SNTG1: variants seen among roughly 807,000 people sequenced by gnomAD.
The protein encoded by SNTG1 is syntrophin gamma 1.
SNTG1 carries 39 observed loss-of-function variants against 74.7 expected under a neutral mutation model. The observed-to-expected ratio is 0.52, with a 90% confidence interval of 0.40 to 0.68. SNTG1 has a LOEUF of 0.68. SNTG1 is among the 30% of genes least tolerant of loss of function. SNTG1 has a pLI of 0.00. For missense variants in SNTG1, 685 were observed against 609.5 expected (o/e 1.12, Z -1.30); for synonymous variants, 254 against 217.1 (o/e 1.17, Z -1.49).
At chr8:50,317,993 C>G (rs576455464) in intron 2 of SNTG1, among the ~76,000 whole-genome samples, 83 of 152,250 alleles carry the variant, frequency 5.5e-4, no homozygotes, top group Middle Eastern at 3.4e-3. Flanking sequence ...CTCGCCACCA[C>G]GCCCGGCTAA....
chr8:50,478,271 T>C (rs1162392761), intron 8 of SNTG1, among the ~76,000 whole-genome samples: 1 of 152,208 alleles, frequency 6.6e-6, no homozygotes, highest in Non-Finnish European at 1.5e-5. Flanking sequence ...AAAATATTCC[T>C]TTAAAAATTA....
At chr8:50,232,898 C>T (rs1268465333) in intron 2 of SNTG1, among the ~76,000 whole-genome samples, 2 of 151,396 alleles carry the variant, frequency 1.3e-5, no homozygotes, top group Non-Finnish European at 3.0e-5. Flanking sequence ...AACCCGAAAA[C>T]TCAATGATTC....
At chr8:50,419,534 A>C (rs944449238) in intron 4 of SNTG1, among the ~76,000 whole-genome samples, 1 of 152,278 alleles carries the variant, frequency 6.6e-6, no homozygotes, top group South Asian at 2.1e-4. Context: ...CCAGTGATAA[A>C]GAAGCCATCG....
intron 2 of SNTG1, among the ~76,000 whole-genome samples, chr8:50,300,553 T>C (rs1469056561): frequency 1.3e-5 from 2 of 152,266 alleles, no homozygotes; most frequent in East Asian, 3.9e-4. Context: ...ATTTCAATAG[T>C]TTGAAATTTC....
chr8:50,275,366 T>A (rs1296399807), intron 2 of SNTG1, among the ~76,000 whole-genome samples: 1 of 152,208 alleles, frequency 6.6e-6, no homozygotes, highest in African/African-American at 2.4e-5. Context: ...ATTTTTTAAA[T>A]CTTTGTCTTT....
chr8:50,671,150 A>G (rs1205722842), intron 15 of SNTG1, among the ~76,000 whole-genome samples: 1 of 152,078 alleles, frequency 6.6e-6, no homozygotes, highest in Non-Finnish European at 1.5e-5. Flanking sequence ...CTTCATGTCT[A>G]AAAAACCAAA....
Position 49,988,505 on chromosome 8 carries a change from A to AG in SNTG1, c.-103+76275dup, listed in dbSNP as rs536777691. Reference sequence around the variant, plus strand: ...TCAAATGAAAATTTTGGAGTTAAAAAGCACAATCAATAATTGAAATGAAAA... The same window carrying AG: ...TCAAATGAAAATTTTGGAGTTAAAAAGGCACAATCAATAATTGAAATGAAAA... On this transcript the variant is annotated intron_variant, in intron 1 of 18. Coordinates refer to ENST00000642720, the MANE Select transcript of SNTG1 (RefSeq NM_018967.5). Among the ~76,000 whole-genome samples, 51 of 152,308 alleles carry AG rather than the reference A, an allele frequency of 3.3e-4. 1 individual carries two copies. The South Asian group carries it at 8.7e-3, about 26-fold the overall frequency.
chr8:50,518,866 AC>A (rs1412054457), intron 9 of SNTG1, among the ~76,000 whole-genome samples: 2 of 152,208 alleles, frequency 1.3e-5, no homozygotes, highest in Non-Finnish European at 2.9e-5. Flanking sequence ...GCCAAATTCT[AC>A]CAGAGGTACC....
At position 50,553,212 on chromosome 8, in the gene SNTG1, G is replaced by A; in HGVS notation, c.810+33G>A. 2.5e-6 allele frequency: 4 copies of A among 1,612,438 alleles called. No individual in the cohort carries two copies. In the South Asian group the frequency reaches 4.4e-5, roughly 18 times the overall value. ...ATGATTCAAGGAATACCTAGCCAGG[G>A]TTTCTCAGGCTTTATAAAATCCTTC... On this transcript the variant is annotated intron_variant, in intron 12 of 18. Transcript: ENST00000642720.
At chr8:50,475,704 T>C (rs1485623493) in intron 8 of SNTG1, among the ~76,000 whole-genome samples, 1 of 152,054 alleles carries the variant, frequency 6.6e-6, no homozygotes, top group Middle Eastern at 3.2e-3. Context: ...GCAAGATAAC[T>C]AAAAAGTTTG....
At chr8:50,742,275 A>G (rs2095545199) in intron 17 of SNTG1, among the ~76,000 whole-genome samples, 1 of 152,022 alleles carries the variant, frequency 6.6e-6, no homozygotes, top group South Asian at 2.1e-4. Flanking sequence ...GTGTTAAGAC[A>G]CAAAATACGT....
At chr8:50,292,629 G>C (rs1420302089) in intron 2 of SNTG1, among the ~76,000 whole-genome samples, 1 of 152,122 alleles carries the variant, frequency 6.6e-6, no homozygotes, top group African/African-American at 2.4e-5. Context: ...AAGACAATGA[G>C]AAGATGTGGG....
chr8:50,244,891 G>A lies in SNTG1; in HGVS notation c.-28+72256G>A, dbSNP rs150807347. Reference sequence around the variant, plus strand: ...ATAAACCTAATTCAAAGAGAGAAAAGGATAGATAGACATTCTACAAAGCTA... The same window carrying A: ...ATAAACCTAATTCAAAGAGAGAAAAAGATAGATAGACATTCTACAAAGCTA... On this transcript the variant is annotated intron_variant, in intron 2 of 18. Coordinates refer to ENST00000642720, the MANE Select transcript of SNTG1 (RefSeq NM_018967.5). Among the ~76,000 whole-genome samples, 332 of 152,216 alleles carry A rather than the reference G, an allele frequency of 2.2e-3. 2 individuals carry two copies. Among genetic ancestry groups the A allele is most frequent in the African/African-American group, 7.5e-3 (310 of 41,520 alleles).
At chr8:50,245,405 G>A (rs575404618) in intron 2 of SNTG1, among the ~76,000 whole-genome samples, 5 of 152,248 alleles carry the variant, frequency 3.3e-5, no homozygotes, top group African/African-American at 1.2e-4. Flanking sequence ...AAAATAGCCT[G>A]AGTGTGGTGG....
intron 9 of SNTG1, among the ~76,000 whole-genome samples, chr8:50,513,105 C>T (rs945199388): frequency 1.3e-5 from 2 of 151,708 alleles, no homozygotes; most frequent in Middle Eastern, 3.2e-3. Context: ...GTGTGGATGT[C>T]CTTTTTGTTT....
intron 1 of SNTG1, among the ~76,000 whole-genome samples, chr8:50,131,517 C>T (rs2081316408): frequency 6.6e-6 from 1 of 152,168 alleles, no homozygotes; most frequent in South Asian, 2.1e-4. Flanking sequence ...TGTATTAAGG[C>T]TGAATAATAT....
intron 12 of SNTG1, among the ~76,000 whole-genome samples, chr8:50,555,088 T>C (rs2094448256): frequency 6.6e-6 from 1 of 152,174 alleles, no homozygotes; most frequent in Non-Finnish European, 1.5e-5. Flanking sequence ...ACAGTGAAGA[T>C]GCAAATGTCT....
chr8:50,048,954 CTGTTA>C (rs1819330602), intron 1 of SNTG1, among the ~76,000 whole-genome samples: 3 of 151,830 alleles, frequency 2.0e-5, no homozygotes, highest in Non-Finnish European at 4.4e-5. Context: ...GGCAAGAACT[CTGTTA>C]TATTAATAAA....
At chr8:50,329,478 G>A (rs114086522) in intron 2 of SNTG1, among the ~76,000 whole-genome samples, 1 of 152,008 alleles carries the variant, frequency 6.6e-6, no homozygotes, top group Admixed American at 6.6e-5. Flanking sequence ...CTGTGTACCT[G>A]CAGGCAAAAC....
Sources: allele counts gnomAD v4.1 joint callset (sites outside exome capture counted in the v4.1 genomes callset), GRCh38; gene constraint gnomAD v4.1.1; transcripts MANE v1.5; gene names NCBI Gene and HGNC (gene_info 2026-07-23, HGNC 2026-07-21).